Variants in KCNAB1 observed in about 807,000 individuals in gnomAD.
KCNAB1 encodes the protein potassium voltage-gated channel subfamily A regulatory beta subunit 1.
A neutral mutation model predicts 64.6 loss-of-function variants in KCNAB1; 35 were observed. That is an observed-to-expected ratio of 0.54 (90% CI 0.41 to 0.72). KCNAB1 has a LOEUF of 0.72. Ranked by LOEUF, KCNAB1 falls within the 30% of genes least tolerant of loss-of-function variation. The pLI, the probability that KCNAB1 is intolerant of heterozygous loss-of-function variation, is 0.00. For synonymous variants in KCNAB1, 177 were observed against 183.8 expected (o/e 0.96, Z 0.30); for missense variants, 401 against 512.9 (o/e 0.78, Z 2.11).
chr3:156,395,566 A>G (rs1713393447), intron 1 of KCNAB1, among the ~76,000 whole-genome samples: 1 of 128,070 alleles, frequency 7.8e-6, no homozygotes, highest in African/African-American at 3.8e-5. Context: ...AAAAAAAAAA[A>G]AAAAAAAAAA....
intron 1 of KCNAB1, among the ~76,000 whole-genome samples, chr3:156,225,782 C>A (rs777603852): frequency 6.6e-6 from 1 of 152,134 alleles, no homozygotes; most frequent in Non-Finnish European, 1.5e-5. Flanking sequence ...CAACAGCGAC[C>A]AAGCTGAGAA....
chr3:156,248,650 AATGGAGGCCC>A (rs1197149160), intron 1 of KCNAB1, among the ~76,000 whole-genome samples: 1 of 152,130 alleles, frequency 6.6e-6, no homozygotes, highest in Non-Finnish European at 1.5e-5. Context: ...TATAAATGAC[AATGGAGGCCC>A]ATGGAGGCAA....
intron 1 of KCNAB1, among the ~76,000 whole-genome samples, chr3:156,327,974 A>C (rs1380216415): frequency 6.6e-6 from 1 of 151,934 alleles, no homozygotes; most frequent in Non-Finnish European, 1.5e-5. Context: ...CTGGGATCTC[A>C]TGTTGTCTAA....
At chr3:156,496,991 A>G (rs111587276) in intron 8 of KCNAB1, among the ~76,000 whole-genome samples, 63 of 152,278 alleles carry the variant, frequency 4.1e-4, no homozygotes, top group African/African-American at 1.4e-3. Flanking sequence ...GGTCAGCCTC[A>G]CATTTTAACA....
intron 1 of KCNAB1, among the ~76,000 whole-genome samples, chr3:156,223,910 G>A (rs1366825679): frequency 7.9e-5 from 12 of 152,348 alleles, no homozygotes; most frequent in South Asian, 6.2e-4. Context: ...CCATGTGCCC[G>A]CACTCCTCAG....
At chr3:156,243,293 C>T (rs1200787938) in intron 1 of KCNAB1, among the ~76,000 whole-genome samples, 3 of 152,036 alleles carry the variant, frequency 2.0e-5, no homozygotes, top group Admixed American at 6.6e-5. Flanking sequence ...GGCACAATCT[C>T]GGCTCACTGC....
chr3:156,198,950 T>A (rs1480705619), intron 1 of KCNAB1, among the ~76,000 whole-genome samples: 1 of 124,800 alleles, frequency 8.0e-6, no homozygotes, highest in Non-Finnish European at 1.7e-5. Context: ...TTTTAGTGGC[T>A]GCTACCAGTT....
chr3:156,153,020 A>C (rs1162549786), intron 1 of KCNAB1, among the ~76,000 whole-genome samples: 1 of 152,234 alleles, frequency 6.6e-6, no homozygotes, highest in Non-Finnish European at 1.5e-5. Flanking sequence ...CCAAAAGGGC[A>C]GGGATTTTAT....
chr3:156,386,538 G>A (rs1214551635), intron 1 of KCNAB1, among the ~76,000 whole-genome samples: 2 of 152,124 alleles, frequency 1.3e-5, no homozygotes, highest in Non-Finnish European at 2.9e-5. Context: ...ACCTCTCCCT[G>A]GTACTGGCTG....
At chr3:156,172,810 A>T (rs1321294285) in intron 1 of KCNAB1, among the ~76,000 whole-genome samples, 1 of 151,936 alleles carries the variant, frequency 6.6e-6, no homozygotes, top group African/African-American at 2.4e-5. Flanking sequence ...GGCAGAGAAT[A>T]CTCTCTGAGC....
intron 1 of KCNAB1, among the ~76,000 whole-genome samples, chr3:156,149,389 T>TG: frequency 6.6e-6 from 1 of 152,098 alleles, no homozygotes; most frequent in South Asian, 2.1e-4. Flanking sequence ...GGGATGGAAT[T>TG]GAAAAAAAGG....
chr3:156,194,431 A>G (rs751710763), intron 1 of KCNAB1, among the ~76,000 whole-genome samples: 2 of 152,076 alleles, frequency 1.3e-5, no homozygotes, highest in Non-Finnish European at 2.9e-5. Context: ...CCTGTAATAA[A>G]TCTATTCTCA....
chr3:156,147,635 T>A (rs1715115176), intron 1 of KCNAB1, among the ~76,000 whole-genome samples: 1 of 152,060 alleles, frequency 6.6e-6, no homozygotes, highest in Admixed American at 6.5e-5. Context: ...CAATCAAGGA[T>A]AAAATTTTCT....
intron 1 of KCNAB1, among the ~76,000 whole-genome samples, chr3:156,387,014 C>CTCTCTCTTTTTTTTT (rs60888308): frequency 1.1e-5 from 1 of 90,526 alleles, no homozygotes; most frequent in Non-Finnish European, 2.1e-5. Flanking sequence ...TTCTCTCTCT[C>CTCTCTCTTTTTTTTT]TTTTTTTTTT....
chr3:156,155,572 T>C (rs893126900), intron 1 of KCNAB1, among the ~76,000 whole-genome samples: 5 of 152,090 alleles, frequency 3.3e-5, no homozygotes, highest in Non-Finnish European at 7.4e-5. Flanking sequence ...CATTGAAGTT[T>C]CCGGGGTAAA....
intron 1 of KCNAB1, among the ~76,000 whole-genome samples, chr3:156,285,806 GA>G (rs1720070682): frequency 6.6e-6 from 1 of 152,170 alleles, no homozygotes; most frequent in Non-Finnish European, 1.5e-5. Flanking sequence ...CACCCGGTCT[GA>G]ATTTCCTATT....
chr3:156,249,341 T>TC (rs1717669132), intron 1 of KCNAB1, among the ~76,000 whole-genome samples: 1 of 151,902 alleles, frequency 6.6e-6, no homozygotes, highest in African/African-American at 2.4e-5. Context: ...GGCAGATGGA[T>TC]CACCTGAGGT....
chr3:156,284,347 C>T (rs1021255226), intron 1 of KCNAB1, among the ~76,000 whole-genome samples: 13 of 152,054 alleles, frequency 8.5e-5, no homozygotes, highest in Non-Finnish European at 1.3e-4. Flanking sequence ...GCTGCGTGCT[C>T]GGAGAACCAC....
At chr3:156,495,998 C>T (rs1715984026) in intron 8 of KCNAB1, among the ~76,000 whole-genome samples, 1 of 152,078 alleles carries the variant, frequency 6.6e-6, no homozygotes, top group South Asian at 2.1e-4. Context: ...CATTTTCTAT[C>T]ACTGACTCCT....
Sources: allele counts gnomAD v4.1 joint callset (sites outside exome capture counted in the v4.1 genomes callset), GRCh38; gene constraint gnomAD v4.1.1; transcripts MANE v1.5; gene names NCBI Gene and HGNC (gene_info 2026-07-23, HGNC 2026-07-21).